PDZD2: variants seen among roughly 807,000 people sequenced by gnomAD.
The protein encoded by PDZD2 is PDZ domain containing 2.
A neutral mutation model predicts 220.7 loss-of-function variants in PDZD2; 90 were observed. That is an observed-to-expected ratio of 0.41 (90% CI 0.34 to 0.49). The LOEUF (loss-of-function observed/expected upper bound fraction) is 0.49, where lower values mean the gene tolerates loss of function less well. PDZD2 is among the 20% of genes least tolerant of loss of function. PDZD2 has a pLI of 0.28. For missense variants in PDZD2, 3,174 were observed against 3,608.5 expected, an observed-to-expected ratio of 0.88 and a Z score of 3.08; for synonymous variants, 1,375 against 1,450.5, an observed-to-expected ratio of 0.95 and a Z score of 1.18.
At chr5:31,941,760 T>A (rs936756216) in intron 2 of PDZD2, among the ~76,000 whole-genome samples, 3 of 152,190 alleles carry the variant, frequency 2.0e-5, no homozygotes, top group Non-Finnish European at 4.4e-5. Flanking sequence ...TAATTAGACA[T>A]TTGTAACGAG....
At chr5:31,701,298 G>T (rs1006355127) in intron 1 of PDZD2, among the ~76,000 whole-genome samples, 1 of 152,146 alleles carries the variant, frequency 6.6e-6, no homozygotes, top group African/African-American at 2.4e-5. Flanking sequence ...CTGGGTTCAA[G>T]TTGTCCTCCC....
rs369501627 is a variant in PDZD2 at position 32,088,157 on chromosome 5, G to A, written c.4709G>A (p.Arg1570Gln). Reference sequence around the variant, plus strand: ...CCTGAGTCACTCACTGAAGCCCCACGAGCTTCTGCCAGGGACGGCTGGTCC... The same window carrying A: ...CCTGAGTCACTCACTGAAGCCCCACAAGCTTCTGCCAGGGACGGCTGGTCC... ...SDPESLTEAPRASARDGWSPP... is the reference protein window; with the variant it reads ...SDPESLTEAPQASARDGWSPP... The change falls in exon 20 of 25, where the codon CGA (arginine) becomes CAA (glutamine). Residue 1570 changes from arginine (R) to glutamine (Q), a missense_variant. Coordinates refer to ENST00000438447, the MANE Select transcript of PDZD2 (RefSeq NM_178140.4). The surrounding 1 kb of genome is among the most constrained non-coding windows in gnomAD (Gnocchi z 4.6). 1.8e-4 allele frequency: 297 copies of A among 1,614,148 alleles called. 2 individuals are homozygous for A. In the Middle Eastern group the frequency reaches 2.1e-3, roughly 12 times the overall value.
At chr5:32,064,700 G>A (rs1252494498) in intron 14 of PDZD2, among the ~76,000 whole-genome samples, 4 of 152,046 alleles carry the variant, frequency 2.6e-5, no homozygotes, top group Non-Finnish European at 4.4e-5. Context: ...GGGTGCGGTC[G>A]CTCACATCTG....
chr5:31,963,853 C>T (rs1748475134), intron 2 of PDZD2, among the ~76,000 whole-genome samples: 1 of 152,064 alleles, frequency 6.6e-6, no homozygotes, highest in Admixed American at 6.6e-5. Context: ...CCCCCAATGC[C>T]CAGCACCCAG....
At chr5:32,005,120 T>C (rs1220840527) in intron 5 of PDZD2, among the ~76,000 whole-genome samples, 1 of 152,200 alleles carries the variant, frequency 6.6e-6, no homozygotes, top group Non-Finnish European at 1.5e-5. Flanking sequence ...CTCTTCTTTA[T>C]CCAACAAGAG....
chr5:31,775,736 G>T (rs1342956605), intron 1 of PDZD2, among the ~76,000 whole-genome samples: 2 of 150,928 alleles, frequency 1.3e-5, no homozygotes, highest in Non-Finnish European at 2.9e-5. Flanking sequence ...CCAGGGTAAC[G>T]TGTTGGCCTT....
chr5:31,994,447 C>G (rs576581947), intron 3 of PDZD2, among the ~76,000 whole-genome samples: 1 of 152,092 alleles, frequency 6.6e-6, no homozygotes. Flanking sequence ...CTCTACCAAA[C>G]GTCTCATTTA....
chr5:31,825,998 C>G (rs1756190726), intron 2 of PDZD2, among the ~76,000 whole-genome samples: 1 of 152,000 alleles, frequency 6.6e-6, no homozygotes, highest in African/African-American at 2.4e-5. Flanking sequence ...CTGATGCGAA[C>G]CAGTTCAAGT....
chr5:31,878,554 G>GTTTTTTTTTTT (rs1411853055), intron 2 of PDZD2, among the ~76,000 whole-genome samples: 24 of 39,252 alleles, frequency 6.1e-4, no homozygotes, highest in East Asian at 2.9e-3. Flanking sequence ...GATGACCTCG[G>GTTTTTTTTTTT]CTTTTTTTTT....
chr5:31,766,478 C>A (rs1050876824), intron 1 of PDZD2, among the ~76,000 whole-genome samples: 11 of 151,940 alleles, frequency 7.2e-5, no homozygotes, highest in African/African-American at 2.7e-4. Context: ...ACCTCTATAG[C>A]CTCAGATGAT....
chr5:31,715,866 T>C (rs1748415121), intron 1 of PDZD2, among the ~76,000 whole-genome samples: 1 of 152,226 alleles, frequency 6.6e-6, no homozygotes, highest in Non-Finnish European at 1.5e-5. Context: ...CATCTCTTTG[T>C]TTGTTTACAT....
intron 2 of PDZD2, among the ~76,000 whole-genome samples, chr5:31,956,530 G>A (rs1277579502): frequency 7.0e-6 from 1 of 143,544 alleles, no homozygotes; most frequent in Non-Finnish European, 1.5e-5. Flanking sequence ...CTGGGCGACA[G>A]AGTGAGACTC....
intron 2 of PDZD2, among the ~76,000 whole-genome samples, chr5:31,959,787 G>C (rs1016237847): frequency 6.6e-6 from 1 of 152,210 alleles, no homozygotes; most frequent in Non-Finnish European, 1.5e-5. Context: ...TTCTCTGACA[G>C]TTCTAGAGAC....
In PDZD2 at chr5:31,790,729, C is replaced by T. The variant is rs145752767; in HGVS notation, c.-360-8160C>T. Among the ~76,000 whole-genome samples the T allele has an allele frequency of 7.6e-3, 942 of 124,066 alleles. 12 individuals carry two copies. The highest frequency in any genetic ancestry group is 0.025 in the African/African-American group (875 of 34,412). 81.4% of individuals were successfully genotyped at this position (124,066 alleles called of 152,430 possible). ...TTTTTTTTTTTTTGAGACAGAGTCT[C>T]GCTCTTTCGCTCAGGCCGGACTGCA... On this transcript the variant is annotated intron_variant, in intron 1 of 24. Coordinates refer to ENST00000438447, the MANE Select transcript of PDZD2 (RefSeq NM_178140.4).
At chr5:31,733,706 C>T (rs1443178794) in intron 1 of PDZD2, among the ~76,000 whole-genome samples, 5 of 152,248 alleles carry the variant, frequency 3.3e-5, no homozygotes, top group East Asian at 1.9e-4. Flanking sequence ...TCAGAAAAGT[C>T]GCGATTCCTG....
chr5:31,930,252 C>T (rs958708555), intron 2 of PDZD2, among the ~76,000 whole-genome samples: 2 of 134,744 alleles, frequency 1.5e-5, no homozygotes, highest in Admixed American at 1.7e-4. Context: ...GTCGCCCAGG[C>T]TGGGGTGCAG....
At chr5:31,885,411 T>C (rs575591939) in intron 2 of PDZD2, among the ~76,000 whole-genome samples, 26 of 152,130 alleles carry the variant, frequency 1.7e-4, no homozygotes, top group Non-Finnish European at 3.1e-4. Flanking sequence ...TTGTACATAT[T>C]CTTTGACCCA....
intron 1 of PDZD2, among the ~76,000 whole-genome samples, chr5:31,703,094 C>A (rs2150134742): frequency 6.6e-6 from 1 of 152,324 alleles, no homozygotes; most frequent in South Asian, 2.1e-4. Flanking sequence ...GAGCACTGGG[C>A]TTCATGCTCT....
intron 6 of PDZD2, among the ~76,000 whole-genome samples, chr5:32,011,055 C>CA (rs1324700007): frequency 6.7e-6 from 1 of 148,926 alleles, no homozygotes; most frequent in Non-Finnish European, 1.5e-5. Context: ...ATATTGAGTT[C>CA]AGTGCATATA....
Sources: allele counts gnomAD v4.1 joint callset (sites outside exome capture counted in the v4.1 genomes callset), GRCh38; gene constraint gnomAD v4.1.1; non-coding constraint Gnocchi (gnomAD v3.1); transcripts MANE v1.5; gene names NCBI Gene and HGNC (gene_info 2026-07-23, HGNC 2026-07-21).